Variants in EPHA6 observed in about 807,000 individuals in gnomAD.
EPHA6 encodes the protein EPH receptor A6.
In EPHA6, 50 loss-of-function variants were observed where a neutral mutation model predicts 112.0. The observed-to-expected ratio is 0.45, with a 90% confidence interval of 0.36 to 0.56. The LOEUF is 0.56. Among genes scored for constraint, EPHA6 ranks in the 20% least tolerant of loss-of-function variants. The pLI, the probability that EPHA6 is intolerant of heterozygous loss-of-function variation, is 0.00. For missense variants in EPHA6, 1,280 were observed against 1,417.4 expected, an observed-to-expected ratio of 0.90 and a Z score of 1.56; for synonymous variants, 529 against 490.7, an observed-to-expected ratio of 1.08 and a Z score of -1.03.
chr3:97,691,105 T>G (rs1016442896), intron 14 of EPHA6, among the ~76,000 whole-genome samples: 3 of 152,224 alleles, frequency 2.0e-5, no homozygotes, highest in Non-Finnish European at 4.4e-5. Flanking sequence ...CATTTTGAAT[T>G]AATTCTTGCA....
At chr3:97,362,063 A>G (rs1224156474) in intron 5 of EPHA6, among the ~76,000 whole-genome samples, 1 of 152,172 alleles carries the variant, frequency 6.6e-6, no homozygotes, top group Non-Finnish European at 1.5e-5. Context: ...GTTTGACATC[A>G]TCTTTGCCTT....
chr3:97,480,621 T>C (rs1456111809), intron 9 of EPHA6, among the ~76,000 whole-genome samples: 2 of 152,238 alleles, frequency 1.3e-5, no homozygotes, highest in Non-Finnish European at 2.9e-5. Context: ...GAGTCTCCTA[T>C]GTCTAATTCT....
intron 9 of EPHA6, 129 bp downstream of exon 9, chr3:97,479,493 A>T (rs1577525141): frequency 1.9e-6 from 1 of 522,720 alleles, no homozygotes; most frequent in East Asian, 3.4e-5. Context: ...CAGCATTAAG[A>T]ATTTTCATCT....
At chr3:97,439,703 T>C in intron 6 of EPHA6, 1 of 744,192 alleles carries the variant, frequency 1.3e-6, no homozygotes, top group Non-Finnish European at 1.6e-6. Flanking sequence ...TTCAGTGAAG[T>C]TTCTCATCAT....
chr3:97,004,915 A>ATCC (rs2043817538), intron 3 of EPHA6, among the ~76,000 whole-genome samples: 7 of 152,226 alleles, frequency 4.6e-5, no homozygotes, highest in Non-Finnish European at 8.8e-5. Flanking sequence ...CAAGGATCAG[A>ATCC]TGGTTGTAGA....
chr3:97,638,691 T>G (rs1043691242), intron 14 of EPHA6, among the ~76,000 whole-genome samples: 6 of 152,188 alleles, frequency 3.9e-5, no homozygotes, highest in African/African-American at 1.4e-4. Context: ...TAAATATTTC[T>G]GACTGTCCTA....
intron 10 of EPHA6, 127 bp from the exon 11 acceptor site, chr3:97,532,231 G>A: frequency 1.3e-6 from 1 of 752,760 alleles, no homozygotes; most frequent in South Asian, 2.3e-5. Flanking sequence ...AGAAAGAAAT[G>A]TTTATATGAA....
At chr3:97,072,174 A>T (rs1026775694) in intron 3 of EPHA6, among the ~76,000 whole-genome samples, 1 of 152,146 alleles carries the variant, frequency 6.6e-6, no homozygotes, top group Admixed American at 6.6e-5. Context: ...GTGGATAAAG[A>T]AATATATATA....
intron 6 of EPHA6, among the ~76,000 whole-genome samples, chr3:97,442,357 G>A (rs760593094): frequency 7.2e-5 from 11 of 152,132 alleles, no homozygotes; most frequent in Non-Finnish European, 1.2e-4. Flanking sequence ...AGGCCAAGGC[G>A]AGTGGACCAC....
intron 2 of EPHA6, among the ~76,000 whole-genome samples, chr3:96,941,357 T>C (rs1315039527): frequency 2.0e-5 from 3 of 152,130 alleles, no homozygotes; most frequent in East Asian, 1.9e-4. Context: ...TTTCATCTTC[T>C]ATCACTGATA....
intron 2 of EPHA6, among the ~76,000 whole-genome samples, chr3:96,974,177 A>G (rs893722197): frequency 5.6e-5 from 8 of 142,990 alleles, no homozygotes; most frequent in Non-Finnish European, 1.0e-4. Flanking sequence ...TTACACTTAT[A>G]ATAATTACAA....
intron 3 of EPHA6, among the ~76,000 whole-genome samples, chr3:97,140,248 A>T (rs1181132409): frequency 6.6e-6 from 1 of 152,168 alleles, no homozygotes; most frequent in Non-Finnish European, 1.5e-5. Flanking sequence ...ATAAAAGTAA[A>T]AGGTTTGGAA....
chr3:97,128,634 C>T (rs936831997), intron 3 of EPHA6, among the ~76,000 whole-genome samples: 9 of 151,966 alleles, frequency 5.9e-5, no homozygotes, highest in Non-Finnish European at 1.3e-4. Context: ...CATGTGTCAA[C>T]CTCTTAAGTA....
At chr3:96,879,980 GAAAAAC>G (rs1460210472) in intron 2 of EPHA6, among the ~76,000 whole-genome samples, 2 of 151,958 alleles carry the variant, frequency 1.3e-5, no homozygotes, top group Non-Finnish European at 2.9e-5. Flanking sequence ...AGTGAAGGAT[GAAAAAC>G]TACCTATTGG....
rs1046740451 is a variant in EPHA6 at position 97,211,969 on chromosome 3, G to A, written c.1115-14295G>A. ...TCTGAATGTTCAATAATTATAAATGGTTTTGTTGTAGTTATTATTACTAAT... is the reference window on the plus strand; with the variant it reads ...TCTGAATGTTCAATAATTATAAATGATTTTGTTGTAGTTATTATTACTAAT... On this transcript the variant is annotated intron_variant, in intron 3 of 17. Coordinates refer to ENST00000389672, the MANE Select transcript of EPHA6 (RefSeq NM_001080448.3). Among the ~76,000 whole-genome samples the A allele has an allele frequency of 2.0e-5, 3 of 152,034 alleles. No individual in the cohort carries two copies. The East Asian group carries it at 5.8e-4, about 29-fold the overall frequency.
intron 5 of EPHA6, among the ~76,000 whole-genome samples, chr3:97,292,853 G>A (rs1404538508): frequency 1.3e-5 from 2 of 151,862 alleles, no homozygotes; most frequent in African/African-American, 4.8e-5. Context: ...ACCCGTGGTG[G>A]GTAGCTCCTT....
At chr3:97,366,096 G>A (rs1275131902) in intron 5 of EPHA6, among the ~76,000 whole-genome samples, 7 of 152,000 alleles carry the variant, frequency 4.6e-5, no homozygotes, top group East Asian at 1.9e-4. Flanking sequence ...AATTCTGTAC[G>A]GTATTGTTGT....
intron 7 of EPHA6, among the ~76,000 whole-genome samples, chr3:97,458,449 C>T (rs142167668): frequency 5.5e-4 from 83 of 152,162 alleles, no homozygotes; most frequent in Middle Eastern, 3.4e-3. Context: ...AGTGAGCAGA[C>T]TAAATAACTT....
intron 14 of EPHA6, among the ~76,000 whole-genome samples, chr3:97,645,416 C>CA (rs1055863943): frequency 7.0e-6 from 1 of 143,268 alleles, no homozygotes; most frequent in Non-Finnish European, 1.5e-5. Context: ...ATCACAAGAA[C>CA]AAAAAACCAA....
Sources: allele counts gnomAD v4.1 joint callset (sites outside exome capture counted in the v4.1 genomes callset), GRCh38; gene constraint gnomAD v4.1.1; transcripts MANE v1.5; gene names NCBI Gene and HGNC (gene_info 2026-07-23, HGNC 2026-07-21).